TMEM217B: variants seen among roughly 807,000 people sequenced by gnomAD.
TMEM217B encodes transmembrane protein 217B, also known as putative transmembrane protein 217B.
the TMEM217B span, among the ~76,000 whole-genome samples, chr6:37,229,853 T>C: frequency 2.6e-5 from 4 of 152,214 alleles, no homozygotes; most frequent in Admixed American, 6.5e-5. Flanking sequence ...CTCAGTTCTG[T>C]AGGTCACCAG....
chr6:37,213,115 A>G, the TMEM217B span: 2 of 707,736 alleles, frequency 2.8e-6, no homozygotes, highest in South Asian at 3.8e-5. Flanking sequence ...GTGGACAGGC[A>G]ATAGGCTGGA....
At chr6:37,244,701 A>G in the TMEM217B span, among the ~76,000 whole-genome samples, 1 of 152,202 alleles carries the variant, frequency 6.6e-6, no homozygotes. Flanking sequence ...AACAACCATA[A>G]AACCACAATG....
chr6:37,215,621 T>TA, the TMEM217B span, among the ~76,000 whole-genome samples: 1 of 139,358 alleles, frequency 7.2e-6, no homozygotes, highest in Admixed American at 7.1e-5. Context: ...AAAGAAAACT[T>TA]ACAATGCAAC....
the TMEM217B span, among the ~76,000 whole-genome samples, chr6:37,220,135 T>TA: frequency 2.0e-5 from 3 of 152,048 alleles, no homozygotes; most frequent in African/African-American, 7.2e-5. Flanking sequence ...AAACAGGAAA[T>TA]AAAGTAGAGG....
chr6:37,220,421 G>C, the TMEM217B span, among the ~76,000 whole-genome samples: 7 of 152,160 alleles, frequency 4.6e-5, no homozygotes, highest in Non-Finnish European at 7.3e-5. Flanking sequence ...TTAGGGGAAA[G>C]GTGAATCAGA....
the TMEM217B span, among the ~76,000 whole-genome samples, chr6:37,254,615 C>G: frequency 1.3e-5 from 2 of 152,158 alleles, no homozygotes; most frequent in Non-Finnish European, 2.9e-5. Context: ...ATCATCTTTC[C>G]TAACATAAAA....
the TMEM217B span, chr6:37,212,525 T>C: frequency 2.0e-4 from 93 of 457,842 alleles, 1 homozygote; most frequent in South Asian, 1.4e-3. Context: ...TGGGATTCCT[T>C]GTAAAGGTTG....
chr6:37,244,767 G>GGGGCT, the TMEM217B span, among the ~76,000 whole-genome samples: 2 of 152,216 alleles, frequency 1.3e-5, no homozygotes, highest in Non-Finnish European at 2.9e-5. Context: ...CAGTTTATCT[G>GGGGCT]GGGCTGGGCT....
the TMEM217B span, among the ~76,000 whole-genome samples, chr6:37,222,170 A>G: frequency 1.3e-5 from 2 of 152,216 alleles, no homozygotes; most frequent in Non-Finnish European, 2.9e-5. Context: ...ATCGGGGGCC[A>G]TGGGCAGGCT....
the TMEM217B span, among the ~76,000 whole-genome samples, chr6:37,214,254 G>A: frequency 7.9e-5 from 12 of 152,106 alleles, no homozygotes; most frequent in African/African-American, 2.9e-4. Flanking sequence ...TTTCGACAGA[G>A]TCTTGCTCTG....
chr6:37,257,875 C>A, the TMEM217B span: 1 of 1,603,848 alleles, frequency 6.2e-7, no homozygotes, highest in East Asian at 2.2e-5. Context: ...TCTCGCCGGG[C>A]AAACCCTTGG....
chr6:37,215,351 C>G, the TMEM217B span: 1 of 1,535,774 alleles, frequency 6.5e-7, no homozygotes, highest in Non-Finnish European at 8.8e-7. Flanking sequence ...TTGAGGCAGG[C>G]GGATCACGAG....
At chr6:37,242,845 C>CA in the TMEM217B span, among the ~76,000 whole-genome samples, 1 of 152,190 alleles carries the variant, frequency 6.6e-6, no homozygotes, top group Admixed American at 6.5e-5. Flanking sequence ...CCCAGTGACT[C>CA]ACACCAGTAT....
At chr6:37,226,970 T>A in the TMEM217B span, among the ~76,000 whole-genome samples, 1 of 151,656 alleles carries the variant, frequency 6.6e-6, no homozygotes, top group Non-Finnish European at 1.5e-5. Context: ...TATTTTATAC[T>A]TATAACAATC....
At chr6:37,238,882 G>A in the TMEM217B span, among the ~76,000 whole-genome samples, 1 of 152,238 alleles carries the variant, frequency 6.6e-6, no homozygotes, top group Non-Finnish European at 1.5e-5. Context: ...TGTAATCCCA[G>A]CAGTTTAGGA....
chr6:37,227,134 TG>T, the TMEM217B span, among the ~76,000 whole-genome samples: 3 of 152,214 alleles, frequency 2.0e-5, no homozygotes, highest in Admixed American at 1.3e-4. Flanking sequence ...AACCTACTTG[TG>T]TCTTGTGGGT....
At chr6:37,227,879 A>C in the TMEM217B span, among the ~76,000 whole-genome samples, 1 of 152,094 alleles carries the variant, frequency 6.6e-6, no homozygotes, top group Non-Finnish European at 1.5e-5. Context: ...ATATATCTTG[A>C]GATATATATA....
chr6:37,221,675 T>C, the TMEM217B span, among the ~76,000 whole-genome samples: 1 of 152,212 alleles, frequency 6.6e-6, no homozygotes, highest in Non-Finnish European at 1.5e-5. Flanking sequence ...ACAGGATCTC[T>C]GGGGTGTCAA....
the TMEM217B span, among the ~76,000 whole-genome samples, chr6:37,241,078 A>C: frequency 6.6e-6 from 1 of 150,700 alleles, no homozygotes; most frequent in African/African-American, 2.4e-5. Context: ...CATGAGTTCT[A>C]TATATAATAA....
Sources: gnomAD v4.1 joint callset for allele counts (sites outside exome capture counted in the v4.1 genomes callset) on GRCh38, gnomAD v4.1.1 for gene constraint, MANE v1.5 for transcripts, NCBI Gene and HGNC (gene_info 2026-07-23, HGNC 2026-07-21) for gene names.